The following TRIP11 variants were observed in gnomAD, a reference collection of about 807,000 sequenced individuals.
TRIP11 encodes the protein thyroid receptor-interacting protein 11.
TRIP11 carries 148 observed loss-of-function variants against 223.1 expected under a neutral mutation model. The ratio of observed to expected loss-of-function variants is 0.66; its 90% CI spans 0.58 to 0.76. The LOEUF (loss-of-function observed/expected upper bound fraction) is 0.76. Ranked by LOEUF, TRIP11 falls within the 30% of genes least tolerant of loss-of-function variation. The probability of loss-of-function intolerance (pLI) is 0.00; values close to 1 mark genes in which losing one functional copy is unlikely to be tolerated. For missense variants in TRIP11, 2,043 were observed against 2,222.0 expected (o/e 0.92, Z 1.62); for synonymous variants, 762 against 772.6 (o/e 0.99, Z 0.23).
At position 92,021,604 on chromosome 14, in the gene TRIP11, T is replaced by C; in HGVS notation, c.540A>G (p.Glu180=). The C allele has an allele frequency of 6.2e-7, 1 of 1,614,212 alleles. No homozygotes were observed. The highest frequency in any genetic ancestry group is 8.5e-7 in the Non-Finnish European group (1 of 1,180,038). ...SQQEINRLSN[E]VSRLESEVGH... is the part of the protein sequence containing the mutation. ...CAACTTCAGACTCAAGTCTTGAAAC[T>C]TCATTTGAGAGTCGGTTTATTTCTT... Residue 180 remains glutamate, a synonymous_variant, in exon 4 of 21, where the codon GAA becomes GAG. Transcript: ENST00000267622.
chr14:91,978,750 T>A lies in TRIP11; in HGVS notation c.5261-2561A>T, dbSNP rs932287699. On this transcript the variant is annotated intron_variant, in intron 16 of 20. Coordinates refer to ENST00000267622, the MANE Select transcript of TRIP11 (RefSeq NM_004239.4). The surrounding 1 kb of genome is among the most constrained non-coding windows in gnomAD (Gnocchi z 4.4). ...CTGCGTTCAAGTAATTCTCCTGCCA[T>A]AGCCTTCCAAAATGTTGGGATTACA... Among the ~76,000 whole-genome samples, 2 of 152,162 alleles carry A rather than the reference T, an allele frequency of 1.3e-5. No individual in the cohort carries two copies. The highest frequency in any genetic ancestry group is 3.9e-4 in the East Asian group (2 of 5,192).
chr14:91,994,030 G>T (rs1305291170), intron 14 of TRIP11, 118 bp from the exon 15 acceptor site: 3 of 747,282 alleles, frequency 4.0e-6, no homozygotes, highest in African/African-American at 1.7e-5. Context: ...AAACAGAAAA[G>T]AATATATGCC....
chr14:92,014,265 G>C lies in TRIP11; in HGVS notation c.1136C>G (p.Ala379Gly). 6.2e-7 allele frequency: 1 copy of C among 1,614,006 alleles called. No homozygotes were observed. Among genetic ancestry groups the C allele is most frequent in the Non-Finnish European group, 8.5e-7 (1 of 1,179,990 alleles). Residue 379 changes from alanine to glycine, a missense_variant, in exon 7 of 21, where the codon GCC (alanine) becomes GGC (glycine). Ala to Gly is a moderately conservative substitution (Grantham distance 60). Coordinates refer to ENST00000267622, the MANE Select transcript of TRIP11 (RefSeq NM_004239.4). ...DTMTEKERIL[A>G]QSASVEEVFR... Reference sequence around the variant, plus strand: ...CACTTCTTCCACTGATGCACTCTGGGCAAGAATTCTTTCCTTTTCTGTCAT... The same window carrying C: ...CACTTCTTCCACTGATGCACTCTGGCCAAGAATTCTTTCCTTTTCTGTCAT...
At chr14:91,981,010 A>T (rs200493161) in intron 16 of TRIP11, among the ~76,000 whole-genome samples, 2,504 of 55,454 alleles carry the variant, frequency 0.045, 119 homozygotes, top group Non-Finnish European at 0.058. Flanking sequence ...ATATATATAT[A>T]TATTTTTTTT....
intron 11 of TRIP11, among the ~76,000 whole-genome samples, chr14:92,002,784 T>C (rs28663238): frequency 0.036 from 5,419 of 152,126 alleles, 312 homozygotes; most frequent in African/African-American, 0.11. Flanking sequence ...TTTCACTATG[T>C]TGGTCAGGCT....
chr14:92,013,731 A>T (rs1379593488), intron 7 of TRIP11, among the ~76,000 whole-genome samples: 1 of 152,228 alleles, frequency 6.6e-6, no homozygotes. Flanking sequence ...CTTATTTTTT[A>T]AAACGTAAGT....
intron 17 of TRIP11, 67 bp downstream of exon 17, chr14:91,976,041 G>T: frequency 6.8e-7 from 1 of 1,467,938 alleles, no homozygotes; most frequent in Non-Finnish European, 9.4e-7. Context: ...TCTACATTTA[G>T]AAGTTTTTTT....
At chr14:91,974,559 T>C in intron 19 of TRIP11, 68 bp downstream of exon 19, 1 of 1,276,968 alleles carries the variant, frequency 7.8e-7, no homozygotes, top group Non-Finnish European at 1.1e-6. Flanking sequence ...AATCTGATTC[T>C]TTGCAAATGA....
intron 4 of TRIP11, among the ~76,000 whole-genome samples, chr14:92,018,618 T>A (rs983566113): frequency 1.3e-5 from 2 of 152,144 alleles, no homozygotes; most frequent in Admixed American, 6.5e-5. Context: ...CACGTGTGTT[T>A]GAATCATAAC....
rs1167398902 is a variant in TRIP11, at chr14:92,039,654, C to T, written c.32G>A (p.Gly11Glu). MSSWLGGLGS[G>E]LGQSLGQVGG... ...GACTTGACCCAGAGACTGGCCCAAT[C>T]CGGAGCCGAGGCCCCCAAGCCAGGA... The change falls in exon 1 of 21, where the codon GGA (glycine) becomes GAA (glutamate). Residue 11 changes from glycine to glutamate, a missense_variant. By Grantham distance (98) the Gly-to-Glu change is moderately conservative. Transcript: ENST00000267622. 3.1e-6 allele frequency: 5 copies of T among 1,612,338 alleles called. No homozygotes were observed. The highest frequency in any genetic ancestry group is 4.2e-6 in the Non-Finnish European group (5 of 1,179,388).
rs1292785725 is a variant in TRIP11 at position 92,037,382 on chromosome 14, C to T, written c.139+2165G>A. The stretch of plus-strand genomic sequence containing the variant: ...GGGAGTCAGAATGGTTCACCAAGTA[C>T]TTAAGTACCTGACATATGAGCAGGG... On this transcript the variant is annotated intron_variant, in intron 1 of 20. Transcript: ENST00000267622. The surrounding 1 kb of genome is among the most constrained non-coding windows in gnomAD (Gnocchi z 4.2). Among the ~76,000 whole-genome samples the T allele has an allele frequency of 2.6e-5, 4 of 152,186 alleles. No individual in the cohort carries two copies. Among genetic ancestry groups the T allele is most frequent in the African/African-American group, 4.8e-5 (2 of 41,448 alleles).
chr14:92,034,258 A>G (rs1422992246), intron 1 of TRIP11, among the ~76,000 whole-genome samples: 1 of 152,082 alleles, frequency 6.6e-6, no homozygotes, highest in Non-Finnish European at 1.5e-5. Flanking sequence ...CCTCGTCTCT[A>G]CTAAAAATAC....
chr14:92,011,483 CAAAAAA>C (rs200967942), intron 8 of TRIP11, among the ~76,000 whole-genome samples: 1 of 42,470 alleles, frequency 2.4e-5, no homozygotes, highest in Non-Finnish European at 4.4e-5. Context: ...GACTCCGTCT[CAAAAAA>C]AAAAAAAAAA....
In TRIP11 at chr14:92,005,023, CCTGT is replaced by C. The variant is rs1447415684; in HGVS notation, c.2949_2952del (p.Gln984ThrfsTer20). 2 of 1,613,818 alleles carry C rather than the reference CCTGT, an allele frequency of 1.2e-6. No homozygotes were observed. The highest frequency in any genetic ancestry group is 1.1e-5 in the South Asian group (1 of 91,076). On this transcript the variant is annotated frameshift_variant, in exon 11 of 21. Coordinates refer to ENST00000267622, the MANE Select transcript of TRIP11 (RefSeq NM_004239.4). LOFTEE classifies it high-confidence loss of function. ...ATATCAGAGTTATCTGTTTGAATGT[CCTGT>C]CTTTCTTCATGCAACTGGGTTTTGA...
At position 92,021,554 on chromosome 14, in the gene TRIP11, A is replaced by C; in HGVS notation, c.588+2T>G. ...CAAAAACTCTAAAAAATTTTTATCT[A>C]CCTGAGCAATATGCCTCCAATGGCC... On this transcript the variant is annotated splice_donor_variant, in intron 4 of 20. Transcript: ENST00000267622. LOFTEE classifies it high-confidence loss of function. The C allele has an allele frequency of 6.2e-7, 1 of 1,614,114 alleles. No individual in the cohort carries two copies.
chr14:92,024,938 C>G (rs552678831), intron 3 of TRIP11, among the ~76,000 whole-genome samples: 2 of 152,180 alleles, frequency 1.3e-5, no homozygotes, highest in East Asian at 3.9e-4. Context: ...TGTAAATTAT[C>G]ATATATTTAA....
intron 2 of TRIP11, 51 bp downstream of exon 2, chr14:92,033,141 C>A (rs376754194): frequency 1.0e-5 from 14 of 1,363,480 alleles, no homozygotes; most frequent in Non-Finnish European, 1.5e-5. Flanking sequence ...GTTTGAGTAA[C>A]CTTCATGACT....
chr14:91,976,458 C>T (rs922653522), intron 16 of TRIP11, among the ~76,000 whole-genome samples: 12 of 152,294 alleles, frequency 7.9e-5, no homozygotes, highest in Admixed American at 3.9e-4. Flanking sequence ...AACCAAGAAA[C>T]GTTTTCATCC....
rs750544930 is a variant in TRIP11, at chr14:92,011,028, G to A, written c.1272C>T (p.Ile424=). The A allele has an allele frequency of 1.4e-5, 23 of 1,613,606 alleles. No homozygotes were observed. The highest frequency in any genetic ancestry group is 5.0e-5 in the Admixed American group (3 of 59,950). ...ATGACTTCTCTTTTTCTAAAACTTC[G>A]ATACGCATTTTAAGTTTCAGATTGT... ...AEDNLKLKMR[I]EVLEKEKSLL... is the part of the protein sequence containing the mutation. The change falls in exon 9 of 21, where the codon ATC becomes ATT. Residue 424 remains isoleucine (I), a synonymous_variant. Transcript: ENST00000267622.
Sources: allele counts gnomAD v4.1 joint callset (sites outside exome capture counted in the v4.1 genomes callset), GRCh38; gene constraint gnomAD v4.1.1; non-coding constraint Gnocchi (gnomAD v3.1); transcripts MANE v1.5; gene names NCBI Gene and HGNC (gene_info 2026-07-23, HGNC 2026-07-21).